GNA12: variants seen among roughly 807,000 people sequenced by gnomAD.
The protein encoded by GNA12 is guanine nucleotide-binding protein subunit alpha-12.
A neutral mutation model predicts 26.0 loss-of-function variants in GNA12; 9 were observed. That is an observed-to-expected ratio of 0.35 (90% confidence interval 0.21 to 0.60). GNA12 has a LOEUF of 0.60. Ranked by LOEUF, GNA12 falls within the 20% of genes least tolerant of loss-of-function variation. The probability of loss-of-function intolerance (pLI) is 0.78; values close to 1 mark genes in which losing one functional copy is unlikely to be tolerated. For missense variants in GNA12, 405 were observed against 525.8 expected (o/e 0.77, Z 2.25); for synonymous variants, 264 against 219.6 (o/e 1.20, Z -1.79).
At chr7:2,842,467 G>A (rs1350070709) in intron 1 of GNA12, among the ~76,000 whole-genome samples, 7 of 152,084 alleles carry the variant, frequency 4.6e-5, no homozygotes, top group Non-Finnish European at 1.5e-5. Context: ...CCCAACTAAT[G>A]TGTTCATTTT....
intron 2 of GNA12, among the ~76,000 whole-genome samples, chr7:2,782,777 T>TA (rs1792262508): frequency 1.3e-5 from 2 of 152,136 alleles, no homozygotes; most frequent in Non-Finnish European, 2.9e-5. Context: ...GACTCAGTGT[T>TA]AAACGTGCAT....
chr7:2,782,134 A>C (rs901548308), intron 2 of GNA12, among the ~76,000 whole-genome samples: 1 of 152,240 alleles, frequency 6.6e-6, no homozygotes, highest in Admixed American at 6.5e-5. Context: ...CCTACCTCAA[A>C]CCATATACAA....
At chr7:2,770,413 G>C (rs1351243137) in intron 2 of GNA12, among the ~76,000 whole-genome samples, 2 of 152,184 alleles carry the variant, frequency 1.3e-5, no homozygotes, top group Non-Finnish European at 2.9e-5. Flanking sequence ...ACATAGTTCA[G>C]CTAGGCTTGT....
At chr7:2,739,210 T>C (rs1174109756) in intron 2 of GNA12, among the ~76,000 whole-genome samples, 7 of 152,214 alleles carry the variant, frequency 4.6e-5, no homozygotes, top group Non-Finnish European at 7.3e-5. Flanking sequence ...CATTTTGACA[T>C]GAACCATTCA....
At position 2,844,223 on chromosome 7, in the gene GNA12, G is replaced by T. The variant is rs2114987534; in HGVS notation, c.-62C>A. On this transcript the variant is annotated 5_prime_UTR_variant, in exon 1 of 4. Coordinates refer to ENST00000275364, the MANE Select transcript of GNA12 (RefSeq NM_007353.3). ...GGGGGCCATGGACGCTCCCGCCGGC[G>T]AGGGCGAGCCCGGGCCGAGGCACCG... The T allele has an allele frequency of 1.2e-6, 1 of 850,268 alleles. No homozygotes were observed. The highest frequency in any genetic ancestry group is 1.4e-6 in the Non-Finnish European group (1 of 708,700). The allele number at this position is 850,268 out of a possible 1,614,324, so 52.7% of individuals were successfully genotyped here.
intron 2 of GNA12, among the ~76,000 whole-genome samples, chr7:2,740,265 T>C (rs1173104944): frequency 6.6e-6 from 1 of 152,200 alleles, no homozygotes; most frequent in East Asian, 1.9e-4. Context: ...AGAATTCCCA[T>C]GTGGAAGCCC....
intron 2 of GNA12, chr7:2,763,139 T>G: frequency 3.3e-6 from 4 of 1,223,748 alleles, no homozygotes; most frequent in Non-Finnish European, 3.1e-6. Context: ...CTCAGAAGCA[T>G]TTCTCGAATA....
At chr7:2,757,664 G>A (rs1201010157) in intron 2 of GNA12, among the ~76,000 whole-genome samples, 2 of 152,194 alleles carry the variant, frequency 1.3e-5, no homozygotes, top group Non-Finnish European at 1.5e-5. Flanking sequence ...GCCGTTTTAA[G>A]TTGCTAATTG....
At chr7:2,814,230 C>T in intron 1 of GNA12, 1 of 787,908 alleles carries the variant, frequency 1.3e-6, no homozygotes, top group Non-Finnish European at 2.3e-6. Context: ...ATCTATGTAT[C>T]CTGTTGGCTG....
intron 1 of GNA12, among the ~76,000 whole-genome samples, chr7:2,842,117 G>A (rs1164031228): frequency 1.2e-4 from 18 of 144,680 alleles, no homozygotes; most frequent in Middle Eastern, 3.4e-3. Flanking sequence ...GAAGGGAAGG[G>A]AGGAAGAAAA....
At chr7:2,802,129 C>G (rs1792823312) in intron 1 of GNA12, among the ~76,000 whole-genome samples, 1 of 151,926 alleles carries the variant, frequency 6.6e-6, no homozygotes, top group African/African-American at 2.4e-5. Context: ...ACAACTCATT[C>G]AAGTCTCTTT....
chr7:2,738,039 C>T (rs1341675131), intron 2 of GNA12, among the ~76,000 whole-genome samples: 1 of 152,120 alleles, frequency 6.6e-6, no homozygotes, highest in Non-Finnish European at 1.5e-5. Context: ...AGATACAACA[C>T]CACATTCATA....
At chr7:2,789,362 C>A in intron 2 of GNA12, among the ~76,000 whole-genome samples, 1 of 145,842 alleles carries the variant, frequency 6.9e-6, no homozygotes, top group African/African-American at 2.7e-5. Flanking sequence ...GTCTCGATCT[C>A]CTGACCTCGT....
At chr7:2,785,282 A>T (rs910175251) in intron 2 of GNA12, among the ~76,000 whole-genome samples, 1 of 152,184 alleles carries the variant, frequency 6.6e-6, no homozygotes, top group African/African-American at 2.4e-5. Context: ...AGGCTACTCT[A>T]AATTCTTCTC....
chr7:2,800,460 C>T (rs573696427), intron 1 of GNA12, among the ~76,000 whole-genome samples: 3 of 152,302 alleles, frequency 2.0e-5, no homozygotes, highest in East Asian at 1.9e-4. Context: ...TCCCAAAGCC[C>T]GTCTCCTGAC....
chr7:2,786,841 A>G (rs148534923), intron 2 of GNA12, among the ~76,000 whole-genome samples: 1 of 152,188 alleles, frequency 6.6e-6, no homozygotes, highest in South Asian at 2.1e-4. Context: ...CACCATGCCC[A>G]TCTCGAGACC....
chr7:2,781,046 CT>C (rs1475976668), intron 2 of GNA12, among the ~76,000 whole-genome samples: 2 of 152,228 alleles, frequency 1.3e-5, no homozygotes, highest in South Asian at 2.1e-4. Flanking sequence ...TTTTGCAAAT[CT>C]GTGAGTATAT....
chr7:2,827,478 C>T (rs530391017), intron 1 of GNA12, among the ~76,000 whole-genome samples: 4 of 152,266 alleles, frequency 2.6e-5, no homozygotes, highest in South Asian at 4.1e-4. Context: ...TCTGTGATGT[C>T]GCGTGAGAAT....
chr7:2,762,880 T>C, intron 2 of GNA12: 1 of 1,437,426 alleles, frequency 7.0e-7, no homozygotes, highest in Non-Finnish European at 9.2e-7. Flanking sequence ...GCCCTGCTCG[T>C]GGAGCCATTG....
Sources: allele counts gnomAD v4.1 joint callset (sites outside exome capture counted in the v4.1 genomes callset), GRCh38; gene constraint gnomAD v4.1.1; transcripts MANE v1.5; gene names NCBI Gene and HGNC (gene_info 2026-07-23, HGNC 2026-07-21).